Variants in CCDC170 observed in about 807,000 individuals in gnomAD.
CCDC170 encodes coiled-coil domain containing 170.
CCDC170 carries 69 observed loss-of-function variants against 72.6 expected under a neutral mutation model. The observed-to-expected ratio is 0.95, with a 90% CI of 0.78 to 1.16. CCDC170 has a LOEUF of 1.16. Among genes scored for constraint, CCDC170 ranks in the 50% most tolerant of loss-of-function variants. CCDC170 has a pLI of 0.00. For missense variants in CCDC170, 852 were observed against 832.5 expected (o/e 1.02, Z -0.29); for synonymous variants, 300 against 303.9 (o/e 0.99, Z 0.13).
intron 1 of CCDC170, among the ~76,000 whole-genome samples, chr6:151,517,054 G>C (rs1010175496): frequency 6.6e-6 from 1 of 152,192 alleles, no homozygotes; most frequent in African/African-American, 2.4e-5. Flanking sequence ...ATGATTTTGG[G>C]GCCGGGCACA....
intron 6 of CCDC170, among the ~76,000 whole-genome samples, chr6:151,585,592 T>C (rs1776440363): frequency 6.6e-6 from 1 of 152,238 alleles, no homozygotes; most frequent in South Asian, 2.1e-4. Context: ...ACTTTGAAAC[T>C]CTTAGCAATA....
At chr6:151,572,658 T>TTTTTGTTTTG (rs751928594) in intron 5 of CCDC170, among the ~76,000 whole-genome samples, 6,520 of 137,868 alleles carry the variant, frequency 0.047, 303 homozygotes, top group Non-Finnish European at 0.066. Context: ...TGTTTTTTTT[T>TTTTTGTTTTG]TTTTTTTTTT....
intron 3 of CCDC170, among the ~76,000 whole-genome samples, chr6:151,542,193 ATTT>A (rs1782702113): frequency 6.6e-6 from 1 of 151,674 alleles, no homozygotes; most frequent in Non-Finnish European, 1.5e-5. Context: ...TGTTATAAAT[ATTT>A]TAAAAACTCA....
rs1364226807 is a variant in CCDC170 at position 151,494,090 on chromosome 6, C to G, written c.-39C>G. The stretch of plus-strand genomic sequence containing the variant: ...CCCGGCGCCGCCGCTTCCTCAGGGC[C>G]GGTTCCGGGTCCGAGCGCGCCCCCG... On this transcript the variant is annotated 5_prime_UTR_variant, in exon 1 of 11. Coordinates refer to ENST00000239374, the MANE Select transcript of CCDC170 (RefSeq NM_025059.4). The G allele has an allele frequency of 3.4e-6, 5 of 1,480,330 alleles. No individual in the cohort carries two copies. Among genetic ancestry groups the G allele is most frequent in the South Asian group, 1.3e-5 (1 of 77,554 alleles). The allele number at this position is 1,480,330 out of a possible 1,614,324, so 91.7% of individuals were successfully genotyped here. A position where few individuals can be genotyped will look rare whatever the true frequency, so the allele number is the denominator to read the frequency against.
At position 151,521,492 on chromosome 6, in the gene CCDC170, T is replaced by C. The variant is rs137919828; in HGVS notation, c.58-14826T>C. ...AGAGTAACTCCATCTTGGATAGGGATTGGGTAAAATGAGGCTGAGATCTAC... is the reference window on the plus strand; with the variant it reads ...AGAGTAACTCCATCTTGGATAGGGACTGGGTAAAATGAGGCTGAGATCTAC... On this transcript the variant is annotated intron_variant, in intron 1 of 10. Transcript: ENST00000239374. Among the ~76,000 whole-genome samples, 510 of 152,208 alleles carry C rather than the reference T, an allele frequency of 3.4e-3. 17 individuals carry two copies. Among genetic ancestry groups the C allele is most frequent in the Admixed American group, 0.031 (469 of 15,286 alleles).
At chr6:151,557,216 G>A (rs1782994363) in intron 5 of CCDC170, among the ~76,000 whole-genome samples, 1 of 152,012 alleles carries the variant, frequency 6.6e-6, no homozygotes, top group South Asian at 2.1e-4. Flanking sequence ...AGACCATCCT[G>A]GCTAACACGG....
chr6:151,608,936 T>C (rs1418243015), intron 9 of CCDC170, among the ~76,000 whole-genome samples: 1 of 152,196 alleles, frequency 6.6e-6, no homozygotes, highest in African/African-American at 2.4e-5. Context: ...GCTAACTTTA[T>C]AGGTGTCCAT....
chr6:151,573,104 G>A (rs1485331265), intron 5 of CCDC170, 70 bp from the exon 6 acceptor site: 1 of 1,389,514 alleles, frequency 7.2e-7, no homozygotes, highest in African/African-American at 1.4e-5. Context: ...CAATGAATTT[G>A]CCATAGCAAA....
intron 1 of CCDC170, among the ~76,000 whole-genome samples, chr6:151,513,108 G>T (rs1255021649): frequency 2.0e-5 from 3 of 152,178 alleles, no homozygotes; most frequent in Non-Finnish European, 4.4e-5. Flanking sequence ...CAATTAGAAA[G>T]AGAACGAAAT....
intron 1 of CCDC170, among the ~76,000 whole-genome samples, chr6:151,522,862 T>C (rs1333852777): frequency 6.6e-6 from 1 of 152,214 alleles, no homozygotes; most frequent in Admixed American, 6.5e-5. Flanking sequence ...ATTTCTCTTC[T>C]TGCTTTCGAG....
intron 9 of CCDC170, among the ~76,000 whole-genome samples, chr6:151,601,149 C>T (rs952845222): frequency 1.8e-4 from 28 of 152,156 alleles, no homozygotes; most frequent in African/African-American, 6.3e-4. Flanking sequence ...AGGTTAAAGG[C>T]ACTTCTTACA....
At chr6:151,582,617 GGTTTA>G (rs1776394388) in intron 6 of CCDC170, among the ~76,000 whole-genome samples, 1 of 152,198 alleles carries the variant, frequency 6.6e-6, no homozygotes, top group Non-Finnish European at 1.5e-5. Context: ...AAAGAAAAGA[GGTTTA>G]TTTGGCTCAT....
chr6:151,610,341 T>C (rs1776850870), intron 9 of CCDC170, among the ~76,000 whole-genome samples: 2 of 152,222 alleles, frequency 1.3e-5, no homozygotes, highest in Non-Finnish European at 2.9e-5. Context: ...AACTTCTTGT[T>C]TTGAAAATAT....
chr6:151,578,566 G>A (rs920855208), intron 6 of CCDC170, among the ~76,000 whole-genome samples: 2 of 152,076 alleles, frequency 1.3e-5, no homozygotes, highest in South Asian at 4.2e-4. Context: ...CCACTCTAAA[G>A]ACCCGATCTC....
intron 1 of CCDC170, among the ~76,000 whole-genome samples, chr6:151,508,737 C>T (rs987842222): frequency 2.8e-4 from 41 of 146,706 alleles, no homozygotes; most frequent in Admixed American, 1.6e-3. Context: ...ATAAATAGGC[C>T]GGGCGTGGTG....
rs1776945991 is a variant in CCDC170, at chr6:151,615,361, C to T, written c.1711-82C>T. On this transcript the variant is annotated intron_variant, in intron 9 of 10. Coordinates refer to ENST00000239374, the MANE Select transcript of CCDC170 (RefSeq NM_025059.4). ...CATAAAAAGGGTATGAAGTGAATTC[C>T]ATTGACTTCTGATTTGTCATGTTTA... The T allele has an allele frequency of 1.0e-5, 10 of 957,060 alleles. No homozygotes were observed. The South Asian group carries it at 1.3e-4, about 13-fold the overall frequency. 59.3% of individuals were successfully genotyped at this position (957,060 alleles called of 1,614,324 possible). A position where few individuals can be genotyped will look rare whatever the true frequency, so the allele number is the denominator to read the frequency against.
rs779650559 is a variant in CCDC170 at position 151,540,373 on chromosome 6, C to CTTTTTTTTTTTTTTTTTTTTT, written c.443+2081_443+2101dup. 5.0e-4 allele frequency among the ~76,000 whole-genome samples: 19 copies of CTTTTTTTTTTTTTTTTTTTTT among 37,982 alleles called. 7 individuals are homozygous for CTTTTTTTTTTTTTTTTTTTTT. Among genetic ancestry groups the CTTTTTTTTTTTTTTTTTTTTT allele is most frequent in the South Asian group, 2.7e-3 (1 of 376 alleles). The allele number at this position is 37,982 out of a possible 152,430, so 24.9% of individuals were successfully genotyped here. A position where few individuals can be genotyped will look rare whatever the true frequency, so the allele number is the denominator to read the frequency against. On this transcript the variant is annotated intron_variant, in intron 3 of 10. Transcript: ENST00000239374. ...CCTCCTCCTCCTTCTTCTGCTGCTG[C>CTTTTTTTTTTTTTTTTTTTTT]TTTTTTTTTTTTTTTTTTTTTTTTT...
At chr6:151,511,653 G>A (rs62444273) in intron 1 of CCDC170, among the ~76,000 whole-genome samples, 2,513 of 152,218 alleles carry the variant, frequency 0.017, 54 homozygotes, top group Non-Finnish European at 0.021. Context: ...TATCTGCCAG[G>A]CACTGTTGCA....
chr6:151,550,097 T>C (rs1024243064), intron 5 of CCDC170, among the ~76,000 whole-genome samples: 9 of 152,256 alleles, frequency 5.9e-5, no homozygotes, highest in Non-Finnish European at 1.2e-4. Flanking sequence ...ATTTGAGCTA[T>C]TTAATACCAT....
Sources: allele counts gnomAD v4.1 joint callset (sites outside exome capture counted in the v4.1 genomes callset), GRCh38; gene constraint gnomAD v4.1.1; transcripts MANE v1.5; gene names NCBI Gene and HGNC (gene_info 2026-07-23, HGNC 2026-07-21).